The following RUBCNL variants were observed in gnomAD, a reference collection of about 807,000 sequenced individuals.
RUBCNL encodes the protein rubicon like autophagy enhancer, also known as protein associated with UVRAG as autophagy enhancer.
In RUBCNL, 62 loss-of-function variants were observed where a neutral mutation model predicts 69.5. That is an observed-to-expected ratio of 0.89 (90% CI 0.73 to 1.10). The LOEUF (loss-of-function observed/expected upper bound fraction) is 1.10. RUBCNL is among the 50% of genes least tolerant of loss of function. The probability of loss-of-function intolerance (pLI) is 0.00; values close to 1 mark genes in which losing one functional copy is unlikely to be tolerated. For missense variants in RUBCNL, 768 were observed against 798.1 expected, an observed-to-expected ratio of 0.96 and a Z score of 0.45; for synonymous variants, 291 against 303.6, an observed-to-expected ratio of 0.96 and a Z score of 0.43.
rs1445046699 is a variant in RUBCNL, at chr13:46,350,267, G to T, written c.1415C>A (p.Pro472His). 3 of 1,589,606 alleles carry T rather than the reference G, an allele frequency of 1.9e-6. No homozygotes were observed. Among genetic ancestry groups the T allele is most frequent in the Admixed American group, 3.6e-5 (2 of 56,080 alleles). Residue 472 changes from proline (P) to histidine (H), a missense_variant, in exon 11 of 15, where the codon CCT (proline) becomes CAT (histidine). By Grantham distance (77) the Pro-to-His change is moderately conservative (BLOSUM62 -2). Transcript: ENST00000429979. ...GTCCCACATCATCAGGATTCGGGCAGGGATGCACGACTCTGCATATGAGTG... is the reference window on the plus strand; with the variant it reads ...GTCCCACATCATCAGGATTCGGGCATGGATGCACGACTCTGCATATGAGTG... ...CCHSYAESCI[P>H]ARILMMWDFK...
chr13:46,375,349 A>G (rs1007638868), intron 2 of RUBCNL, among the ~76,000 whole-genome samples: 3 of 152,208 alleles, frequency 2.0e-5, no homozygotes, highest in African/African-American at 7.2e-5. Context: ...CCTGACCAAC[A>G]TGGCGAAACC....
At position 46,341,649 on chromosome 13, in the gene RUBCNL, G is replaced by A. The variant is rs2048143748; in HGVS notation, c.*1736C>T. On this transcript the variant is annotated 3_prime_UTR_variant, in exon 15 of 15. Coordinates refer to ENST00000429979, the MANE Select transcript of RUBCNL (RefSeq NM_025113.5). ...TTCAAGCAATGCTTGAGCCATAGCAGCTGCCTTAAATCAACACTGATGTGA... is the reference window on the plus strand; with the variant it reads ...TTCAAGCAATGCTTGAGCCATAGCAACTGCCTTAAATCAACACTGATGTGA... 6.6e-6 allele frequency among the ~76,000 whole-genome samples: 1 copy of A among 152,208 alleles called. No homozygotes were observed.
intron 1 of RUBCNL, among the ~76,000 whole-genome samples, chr13:46,380,931 C>G (rs1281784089): frequency 6.6e-6 from 1 of 152,002 alleles, no homozygotes; most frequent in Non-Finnish European, 1.5e-5. Flanking sequence ...ATAACTAAGA[C>G]AGTGAAAAAA....
chr13:46,387,743 T>G (rs1349641946), upstream of RUBCNL: 1 of 985,376 alleles, frequency 1.0e-6, no homozygotes, highest in African/African-American at 1.7e-5. Flanking sequence ...GTCCGACTCA[T>G]GTAGCACTTC....
chr13:46,358,209 A>G (rs1356198369), intron 9 of RUBCNL, among the ~76,000 whole-genome samples: 2 of 152,198 alleles, frequency 1.3e-5, no homozygotes, highest in African/African-American at 4.8e-5. Flanking sequence ...AAAGAAAAAC[A>G]AAAGAAAGAT....
chr13:46,365,098 T>C (rs2048720670), intron 5 of RUBCNL, among the ~76,000 whole-genome samples: 2 of 151,664 alleles, frequency 1.3e-5, no homozygotes, highest in Non-Finnish European at 1.5e-5. Flanking sequence ...AGGTCAGGAG[T>C]TTGAGACCAG....
At chr13:46,365,396 A>G (rs1405322985) in intron 5 of RUBCNL, among the ~76,000 whole-genome samples, 3 of 151,942 alleles carry the variant, frequency 2.0e-5, no homozygotes, top group Admixed American at 6.6e-5. Context: ...GTTGCATTGC[A>G]TGGGCCTTGA....
rs1340086696 is a variant in RUBCNL at position 46,341,261 on chromosome 13, ATCT to A, written c.*2121_*2123del. Among the ~76,000 whole-genome samples the A allele has an allele frequency of 3.9e-5, 6 of 152,252 alleles. No individual in the cohort carries two copies. Among genetic ancestry groups the A allele is most frequent in the Non-Finnish European group, 7.3e-5 (5 of 68,044 alleles). On this transcript the variant is annotated 3_prime_UTR_variant, in exon 15 of 15. Coordinates refer to ENST00000429979, the MANE Select transcript of RUBCNL (RefSeq NM_025113.5). ...TGGGTAATGGTCTGACCAAGCATTC[ATCT>A]TCTTTCCGGCAGCCAAGGAAGAGTT...
At chr13:46,383,487 T>G (rs2049166256) in intron 1 of RUBCNL, among the ~76,000 whole-genome samples, 1 of 152,230 alleles carries the variant, frequency 6.6e-6, no homozygotes, top group Non-Finnish European at 1.5e-5. Flanking sequence ...ATATGACATT[T>G]ACTTTGTGCC....
At chr13:46,355,496 C>A (rs1354474085) in intron 10 of RUBCNL, among the ~76,000 whole-genome samples, 3 of 152,068 alleles carry the variant, frequency 2.0e-5, no homozygotes, top group African/African-American at 7.2e-5. Context: ...TGTGGTTTCA[C>A]AATGTTGGCC....
At chr13:46,386,310 A>C (rs1380014102) in intron 1 of RUBCNL, among the ~76,000 whole-genome samples, 1 of 152,150 alleles carries the variant, frequency 6.6e-6, no homozygotes, top group Non-Finnish European at 1.5e-5. Context: ...TAAGAAACTC[A>C]AGCTTACGGA....
At chr13:46,369,365 C>T (rs2048830677) in intron 3 of RUBCNL, among the ~76,000 whole-genome samples, 1 of 152,220 alleles carries the variant, frequency 6.6e-6, no homozygotes, top group African/African-American at 2.4e-5. Context: ...CAGGTGCCAC[C>T]ATGACCAGCT....
At chr13:46,354,176 T>C (rs1027446117) in intron 10 of RUBCNL, among the ~76,000 whole-genome samples, 2 of 152,220 alleles carry the variant, frequency 1.3e-5, no homozygotes, top group Non-Finnish European at 2.9e-5. Flanking sequence ...AAATGTCATG[T>C]TCAGTGTGTG....
At position 46,335,262 on chromosome 13, in the gene RUBCNL, T is replaced by TG. The variant is rs565652667; in HGVS notation, c.*8122_*8123insC. 0.14 allele frequency among the ~76,000 whole-genome samples: 13,044 copies of TG among 91,042 alleles called. 770 individuals are homozygous for TG. Among genetic ancestry groups the TG allele is most frequent in the Non-Finnish European group, 0.21 (8,978 of 43,748 alleles). The allele number at this position is 91,042 out of a possible 152,430, so 59.7% of individuals were successfully genotyped here. On this transcript the variant is annotated 3_prime_UTR_variant, in exon 15 of 15. Coordinates refer to ENST00000429979, the MANE Select transcript of RUBCNL (RefSeq NM_025113.5). The stretch of plus-strand genomic sequence containing the variant: ...GTCTTTTTGTTGTTGTTGTTGTTGT[T>TG]TTTTTTTTTTTTTTTTTTTTTTTAA...
At chr13:46,357,055 C>G (rs2138725450) in intron 9 of RUBCNL, among the ~76,000 whole-genome samples, 1 of 148,640 alleles carries the variant, frequency 6.7e-6, no homozygotes, top group African/African-American at 2.4e-5. Flanking sequence ...TTAAAAGCTT[C>G]TGCTAGGCTG....
chr13:46,380,707 T>G (rs2138842798), intron 1 of RUBCNL, among the ~76,000 whole-genome samples: 1 of 152,342 alleles, frequency 6.6e-6, no homozygotes, highest in East Asian at 1.9e-4. Flanking sequence ...AATATAAGAA[T>G]ATTAATTTAT....
Position 46,338,656 on chromosome 13 carries a change from G to C in RUBCNL, c.*4729C>G, listed in dbSNP as rs2048119849. 6.6e-6 allele frequency among the ~76,000 whole-genome samples: 1 copy of C among 152,096 alleles called. No individual in the cohort carries two copies. Among genetic ancestry groups the C allele is most frequent in the African/African-American group, 2.4e-5 (1 of 41,412 alleles). On this transcript the variant is annotated 3_prime_UTR_variant, in exon 15 of 15. Coordinates refer to ENST00000429979, the MANE Select transcript of RUBCNL (RefSeq NM_025113.5). ...AAGGGCAGTCCTGATCCCAGGCAAG[G>C]GATGCAAGAAGAACAAGACCATGGA...
rs931346124 is a variant in RUBCNL at position 46,336,725 on chromosome 13, T to C, written c.*6660A>G. On this transcript the variant is annotated 3_prime_UTR_variant, in exon 15 of 15. Coordinates refer to ENST00000429979, the MANE Select transcript of RUBCNL (RefSeq NM_025113.5). ...GGTAGAATGGTTGAGATGGAAATGC[T>C]ATTGTTGTAGGTAAAGGAAGAAAGA... 7.2e-5 allele frequency among the ~76,000 whole-genome samples: 11 copies of C among 152,106 alleles called. No homozygotes were observed. The highest frequency in any genetic ancestry group is 2.7e-4 in the African/African-American group (11 of 41,422).
intron 6 of RUBCNL, among the ~76,000 whole-genome samples, chr13:46,362,894 A>G (rs1487604866): frequency 7.9e-6 from 1 of 126,634 alleles, no homozygotes; most frequent in Non-Finnish European, 1.7e-5. Flanking sequence ...ATGAGAGATT[A>G]GCTATCCAGA....
Sources: allele counts gnomAD v4.1 joint callset (sites outside exome capture counted in the v4.1 genomes callset), GRCh38; gene constraint gnomAD v4.1.1; transcripts MANE v1.5; gene names NCBI Gene and HGNC (gene_info 2026-07-23, HGNC 2026-07-21).